The following CERT1 variants were observed in gnomAD, a reference collection of about 807,000 sequenced individuals.
The protein encoded by CERT1 is ceramide transfer protein.
CERT1 carries 31 observed loss-of-function variants against 87.9 expected under a neutral mutation model. That is an observed-to-expected ratio of 0.35 (90% confidence interval 0.27 to 0.48). The LOEUF (loss-of-function observed/expected upper bound fraction) is 0.48, where lower values mean the gene tolerates loss of function less well. Ranked by LOEUF, CERT1 falls within the 20% of genes least tolerant of loss-of-function variation. The probability of loss-of-function intolerance (pLI) is 0.99; values close to 1 mark genes in which losing one functional copy is unlikely to be tolerated. For synonymous variants in CERT1, 289 were observed against 250.9 expected, an observed-to-expected ratio of 1.15 and a Z score of -1.44; for missense variants, 487 against 758.0, an observed-to-expected ratio of 0.64 and a Z score of 4.20.
At position 75,474,495 on chromosome 5, in the gene CERT1, A is replaced by G. The variant is rs183086511; in HGVS notation, c.232-15314T>C. Among the ~76,000 whole-genome samples, 337 of 152,274 alleles carry G rather than the reference A, an allele frequency of 2.2e-3. 2 individuals carry two copies. Among genetic ancestry groups the G allele is most frequent in the Non-Finnish European group, 3.8e-3 (260 of 68,028 alleles). ...CAAGTAGAAGATCTGTTCTCTTAGT[A>G]TATCACGGAAGTCAGTTAAAAATAA... On this transcript the variant is annotated intron_variant, in intron 2 of 16. Transcript: ENST00000643780.
chr5:75,511,291 C>T lies in CERT1; in HGVS notation c.-84G>A, dbSNP rs5744539. 1.6e-3 allele frequency: 2,549 copies of T among 1,566,594 alleles called. 57 individuals carry two copies. In the Admixed American group the frequency reaches 0.04, roughly 25 times the overall value. On this transcript the variant is annotated 5_prime_UTR_variant, in exon 1 of 17. Transcript: ENST00000643780. ...GCGCCCAGTCCTCGGGGTGAAGGGT[C>T]GGGGGATGGCGAAGCGAAGAGTGCC...
chr5:75,492,011 CAT>C (rs941300696), intron 2 of CERT1, among the ~76,000 whole-genome samples: 3 of 152,116 alleles, frequency 2.0e-5, no homozygotes, highest in Non-Finnish European at 4.4e-5. Context: ...CAGCACAACA[CAT>C]GTCATAGTTG....
intron 17 of CERT1, chr5:75,369,598 C>G (rs1009634562): frequency 2.6e-5 from 4 of 152,192 alleles, no homozygotes; most frequent in Non-Finnish European, 4.4e-5. Context: ...GTGGTACCAC[C>G]AATCACCGCT....
intron 2 of CERT1, among the ~76,000 whole-genome samples, chr5:75,492,238 AC>A (rs1034589035): frequency 6.6e-6 from 1 of 152,034 alleles, no homozygotes; most frequent in Non-Finnish European, 1.5e-5. Context: ...GTGGTGGTGC[AC>A]CTGTAGTCCC....
In CERT1 at chr5:75,454,969, A is replaced by T. The variant is rs185097807; in HGVS notation, c.348+4096T>A. Among the ~76,000 whole-genome samples the T allele has an allele frequency of 1.5e-3, 233 of 152,268 alleles. 1 individual carries two copies. The highest frequency in any genetic ancestry group is 7.9e-3 in the Admixed American group (121 of 15,294). On this transcript the variant is annotated intron_variant, in intron 3 of 16. Coordinates refer to ENST00000643780, the MANE Select transcript of CERT1 (RefSeq NM_001379029.1). ...CCAGCTCAGTGGCTGGACCAAGAAG[A>T]AGTTCCAAAGCACTTCCCAAAGCCA... is the stretch of plus-strand genomic sequence containing the variant.
intron 1 of CERT1, among the ~76,000 whole-genome samples, chr5:75,510,807 C>T (rs1380186941): frequency 1.3e-5 from 2 of 152,310 alleles, no homozygotes; most frequent in East Asian, 3.9e-4. Flanking sequence ...TGAAGCCCAA[C>T]CCGGATTCCT....
intron 2 of CERT1, among the ~76,000 whole-genome samples, chr5:75,466,824 C>G (rs1391802700): frequency 2.0e-5 from 3 of 152,188 alleles, no homozygotes; most frequent in South Asian, 2.1e-4. Context: ...CTGGTCCTTG[C>G]AATTATCACT....
intron 3 of CERT1, among the ~76,000 whole-genome samples, chr5:75,443,011 C>T (rs1018848921): frequency 2.0e-5 from 3 of 152,020 alleles, no homozygotes; most frequent in Admixed American, 1.3e-4. Context: ...TTCAGGCATC[C>T]ACTTGGGGTC....
chr5:75,451,289 C>T (rs781334394), intron 3 of CERT1, among the ~76,000 whole-genome samples: 1 of 152,112 alleles, frequency 6.6e-6, no homozygotes, highest in Non-Finnish European at 1.5e-5. Context: ...CCAGAGACAA[C>T]ATGAAGTTTC....
At chr5:75,453,824 G>GTA (rs1764858375) in intron 3 of CERT1, among the ~76,000 whole-genome samples, 1 of 2,522 alleles carries the variant, frequency 4.0e-4, no homozygotes, top group Non-Finnish European at 7.6e-4. Flanking sequence ...GTGTATGTAT[G>GTA]TGAGAGAGAG....
At chr5:75,395,908 C>CA (rs1199597230) in intron 11 of CERT1, among the ~76,000 whole-genome samples, 1 of 151,952 alleles carries the variant, frequency 6.6e-6, no homozygotes, top group African/African-American at 2.4e-5. Context: ...ACAACAACAA[C>CA]AAAAACACAG....
intron 7 of CERT1, among the ~76,000 whole-genome samples, chr5:75,414,387 T>C (rs575978032): frequency 2.4e-4 from 36 of 152,280 alleles, no homozygotes; most frequent in African/African-American, 8.7e-4. Flanking sequence ...GTACACTTCA[T>C]TGTATGTATG....
intron 11 of CERT1, among the ~76,000 whole-genome samples, chr5:75,392,310 G>GC (rs1289678251): frequency 3.9e-5 from 6 of 152,184 alleles, no homozygotes; most frequent in African/African-American, 1.4e-4. Flanking sequence ...TCCTGTAACA[G>GC]CTACACTGCA....
Position 75,493,422 on chromosome 5 carries a change from C to T in CERT1, c.231+12560G>A, listed in dbSNP as rs368727215. 8.6e-4 allele frequency among the ~76,000 whole-genome samples: 131 copies of T among 152,324 alleles called. 1 individual carries two copies. The highest frequency in any genetic ancestry group is 2.7e-3 in the South Asian group (13 of 4,832). Reference sequence around the variant, plus strand: ...AAAATGCTTTTAGTCTGTCCTTATACTCGCTTGGTGATTTGGATGCATATA... The same window carrying T: ...AAAATGCTTTTAGTCTGTCCTTATATTCGCTTGGTGATTTGGATGCATATA... On this transcript the variant is annotated intron_variant, in intron 2 of 16. Coordinates refer to ENST00000643780, the MANE Select transcript of CERT1 (RefSeq NM_001379029.1).
chr5:75,416,888 C>T lies in CERT1; in HGVS notation c.825G>A (p.Lys275=), dbSNP rs761149746. The change falls in exon 7 of 17, where the codon AAG becomes AAA. Residue 275 remains lysine (K), a synonymous_variant. Transcript: ENST00000643780. Reference sequence around the variant, plus strand: ...AACCTAGTCTTACCTTATCCAGTCTCTTCTGCCAGCTGTCCTCACGTTTAA... The same window carrying T: ...AACCTAGTCTTACCTTATCCAGTCTTTTCTGCCAGCTGTCCTCACGTTTAA... ...LMVKREDSWQ[K]RLDKETEKKR... 6.2e-7 allele frequency: 1 copy of T among 1,608,622 alleles called. No individual in the cohort carries two copies. Among genetic ancestry groups the T allele is most frequent in the South Asian group, 1.1e-5 (1 of 89,398 alleles).
At chr5:75,401,044 T>A (rs1351509966) in intron 9 of CERT1, 4 of 152,164 alleles carry the variant, frequency 2.6e-5, no homozygotes, top group African/African-American at 9.7e-5. Flanking sequence ...ATACACTGAA[T>A]ATGAAGAGGG....
Position 75,458,510 on chromosome 5 carries a change from T to A in CERT1, c.348+555A>T, listed in dbSNP as rs542498190. On this transcript the variant is annotated intron_variant, in intron 3 of 16. Transcript: ENST00000643780. The stretch of plus-strand genomic sequence containing the variant: ...AAATAAAAAATCGAAATGTGTTTTA[T>A]GAAAAAGGGTATATTTTTGATGTAG... Among the ~76,000 whole-genome samples, 10 of 152,238 alleles carry A rather than the reference T, an allele frequency of 6.6e-5. No individual in the cohort carries two copies. The South Asian group carries it at 2.1e-3, about 32-fold the overall frequency.
chr5:75,511,087 T>C (rs1767958217), intron 1 of CERT1, 25 bp downstream of exon 1: 4 of 1,521,818 alleles, frequency 2.6e-6, no homozygotes, highest in African/African-American at 1.4e-5. Context: ...TGGCCAGGGG[T>C]CCCTTGGCAC....
intron 2 of CERT1, among the ~76,000 whole-genome samples, chr5:75,467,370 G>C (rs920278350): frequency 1.3e-5 from 2 of 152,100 alleles, no homozygotes; most frequent in Admixed American, 6.5e-5. Context: ...AGCCGGACGT[G>C]GTAGCTCACG....
Sources: allele counts gnomAD v4.1 joint callset (sites outside exome capture counted in the v4.1 genomes callset), GRCh38; gene constraint gnomAD v4.1.1; transcripts MANE v1.5; gene names NCBI Gene and HGNC (gene_info 2026-07-23, HGNC 2026-07-21).